Variants in DOCK10 observed in about 807,000 individuals in gnomAD.
DOCK10 encodes the protein dedicator of cytokinesis 10.
A neutral mutation model predicts 280.1 loss-of-function variants in DOCK10; 145 were observed. The ratio of observed to expected loss-of-function variants is 0.52; its 90% CI spans 0.45 to 0.59. The LOEUF is 0.59. Among genes scored for constraint, DOCK10 ranks in the 20% least tolerant of loss-of-function variants. The pLI is 0.00. For synonymous variants in DOCK10, 915 were observed against 942.2 expected, an observed-to-expected ratio of 0.97 and a Z score of 0.53; for missense variants, 2,368 against 2,651.7, an observed-to-expected ratio of 0.89 and a Z score of 2.35.
At chr2:225,005,324 A>G (rs942773071) in intron 1 of DOCK10, among the ~76,000 whole-genome samples, 2 of 152,228 alleles carry the variant, frequency 1.3e-5, no homozygotes, top group Non-Finnish European at 2.9e-5. Context: ...CAATGTAAGG[A>G]CATGATTTCA....
At chr2:225,007,692 A>C (rs1689313160) in intron 1 of DOCK10, among the ~76,000 whole-genome samples, 1 of 152,158 alleles carries the variant, frequency 6.6e-6, no homozygotes, top group South Asian at 2.1e-4. Context: ...TGAAACTTGA[A>C]ATATTGTGTT....
At chr2:224,906,847 G>A (rs372287937) in intron 3 of DOCK10, among the ~76,000 whole-genome samples, 2 of 152,188 alleles carry the variant, frequency 1.3e-5, no homozygotes, top group East Asian at 3.9e-4. Flanking sequence ...CTAATCAGAG[G>A]TCTGTAACTT....
chr2:224,855,917 C>T (rs1273150561), intron 15 of DOCK10, among the ~76,000 whole-genome samples: 4 of 152,148 alleles, frequency 2.6e-5, no homozygotes, highest in Non-Finnish European at 5.9e-5. Context: ...AATAAGTATT[C>T]AAAATTCACC....
At chr2:225,038,622 T>G (rs1221440427) in intron 1 of DOCK10, among the ~76,000 whole-genome samples, 1 of 152,176 alleles carries the variant, frequency 6.6e-6, no homozygotes, top group Non-Finnish European at 1.5e-5. Flanking sequence ...GCAGGATGCT[T>G]TCTCTTTAAA....
chr2:224,865,471 C>T (rs985233537), intron 11 of DOCK10, among the ~76,000 whole-genome samples: 1 of 152,196 alleles, frequency 6.6e-6, no homozygotes, highest in African/African-American at 2.4e-5. Flanking sequence ...AGGCCAACCA[C>T]ATCTCTGTTT....
At chr2:224,905,287 C>CCGGACTG (rs367543938) in intron 3 of DOCK10, among the ~76,000 whole-genome samples, 1 of 110,908 alleles carries the variant, frequency 9.0e-6, no homozygotes, top group Admixed American at 8.2e-5. Context: ...ATCGCCCAGG[C>CCGGACTG]CGGACTGCGG....
At chr2:224,781,197 T>C (rs1348943077) in intron 50 of DOCK10, among the ~76,000 whole-genome samples, 1 of 152,236 alleles carries the variant, frequency 6.6e-6, no homozygotes, top group Non-Finnish European at 1.5e-5. Context: ...ATACATACTT[T>C]CAGCTTCTCT....
At chr2:224,830,721 C>T in intron 26 of DOCK10, 109 bp from the exon 27 acceptor site, 1 of 518,252 alleles carries the variant, frequency 1.9e-6, no homozygotes, top group Non-Finnish European at 3.3e-6. Flanking sequence ...AAAATGTATT[C>T]TTTGAAACTA....
chr2:225,024,508 G>A (rs1336070231), intron 1 of DOCK10, among the ~76,000 whole-genome samples: 1 of 152,124 alleles, frequency 6.6e-6, no homozygotes, highest in African/African-American at 2.4e-5. Flanking sequence ...AAGGGTATAT[G>A]ATATTCTTTG....
At chr2:224,831,792 C>T (rs950413469) in intron 26 of DOCK10, among the ~76,000 whole-genome samples, 1 of 152,206 alleles carries the variant, frequency 6.6e-6, no homozygotes, top group African/African-American at 2.4e-5. Flanking sequence ...GGGTTGCACT[C>T]AGGCATCAAG....
rs1341129485 is a variant in DOCK10 at position 225,042,204 on chromosome 2, C to T, written c.123+48G>A. The T allele has an allele frequency of 2.4e-6, 3 of 1,230,650 alleles. No individual in the cohort carries two copies. Among genetic ancestry groups the T allele is most frequent in the Admixed American group, 4.3e-5 (1 of 23,150 alleles). The allele number at this position is 1,230,650 out of a possible 1,614,324, so 76.2% of individuals were successfully genotyped here. A position where few individuals can be genotyped will look rare whatever the true frequency, so the allele number is the denominator to read the frequency against. ...TGGGGAAGCTGGGCTCCGTTCCCCCCGGGCGCCTGGGGCGCGCGGGAAGGC... is the reference window on the plus strand; with the variant it reads ...TGGGGAAGCTGGGCTCCGTTCCCCCTGGGCGCCTGGGGCGCGCGGGAAGGC... On this transcript the variant is annotated intron_variant, in intron 1 of 55. Coordinates refer to ENST00000258390, the MANE Select transcript of DOCK10 (RefSeq NM_014689.3). The surrounding 1 kb of genome is among the most constrained non-coding windows in gnomAD (Gnocchi z 5.1).
chr2:224,999,832 A>G (rs1209117370), intron 1 of DOCK10, among the ~76,000 whole-genome samples: 2 of 152,000 alleles, frequency 1.3e-5, no homozygotes, highest in African/African-American at 4.8e-5. Context: ...CTCCAACCTG[A>G]GAGTTGCAGT....
chr2:224,884,662 A>G (rs1699172484), intron 7 of DOCK10, among the ~76,000 whole-genome samples: 2 of 152,208 alleles, frequency 1.3e-5, no homozygotes, highest in South Asian at 2.1e-4. Flanking sequence ...CTTATAGAGA[A>G]CATTATTTGT....
At chr2:224,949,943 T>C (rs1703635661) in intron 1 of DOCK10, among the ~76,000 whole-genome samples, 1 of 152,190 alleles carries the variant, frequency 6.6e-6, no homozygotes, top group African/African-American at 2.4e-5. Flanking sequence ...GAAATCTGCC[T>C]GTCTACTGCC....
chr2:224,833,513 C>A (rs1162606399), intron 26 of DOCK10, among the ~76,000 whole-genome samples: 2 of 151,722 alleles, frequency 1.3e-5, no homozygotes, highest in Non-Finnish European at 2.9e-5. Context: ...TCAAGAATTA[C>A]CTCCTCCATC....
rs564249369 is a variant in DOCK10 at position 224,944,349 on chromosome 2, A to C, written c.124-12681T>G. Among the ~76,000 whole-genome samples the C allele has an allele frequency of 4.6e-5, 7 of 152,324 alleles. No individual in the cohort carries two copies. In the South Asian group the frequency reaches 1.4e-3, roughly 32 times the overall value. ...CTGAAGGCACTAGAAAGACAATTTC[A>C]GTGTCCCTTTTCCCTTGTCCTTGGA... On this transcript the variant is annotated intron_variant, in intron 1 of 55. Coordinates refer to ENST00000258390, the MANE Select transcript of DOCK10 (RefSeq NM_014689.3).
rs542489727 is a variant in DOCK10 at position 225,022,959 on chromosome 2, C to A, written c.123+19293G>T. Among the ~76,000 whole-genome samples the A allele has an allele frequency of 7.2e-5, 11 of 152,266 alleles. No individual in the cohort carries two copies. In the South Asian group the frequency reaches 2.1e-3, roughly 29 times the overall value. On this transcript the variant is annotated intron_variant, in intron 1 of 55. Coordinates refer to ENST00000258390, the MANE Select transcript of DOCK10 (RefSeq NM_014689.3). ...GATGGAAAGATACTGTTCCTAATTA[C>A]CAACATAGTTTGGAGGAGATGCTCA... is the stretch of plus-strand genomic sequence containing the variant.
intron 20 of DOCK10, 47 bp from the exon 21 acceptor site, chr2:224,845,371 G>C: frequency 6.4e-7 from 1 of 1,564,070 alleles, no homozygotes; most frequent in Admixed American, 1.9e-5. Context: ...AAACCTCCAT[G>C]GTAAGAAGTC....
chr2:224,901,243 CAA>C (rs1163615765), intron 3 of DOCK10, among the ~76,000 whole-genome samples: 1 of 152,180 alleles, frequency 6.6e-6, no homozygotes, highest in East Asian at 1.9e-4. Flanking sequence ...GTTGCAAATT[CAA>C]AGTCACAGGC....
Sources: gnomAD v4.1 joint callset for allele counts (sites outside exome capture counted in the v4.1 genomes callset) on GRCh38, gnomAD v4.1.1 for gene constraint, Gnocchi (gnomAD v3.1) non-coding constraint, MANE v1.5 for transcripts, NCBI Gene and HGNC (gene_info 2026-07-23, HGNC 2026-07-21) for gene names.